PIGU: variants seen among roughly 807,000 people sequenced by gnomAD.
PIGU encodes the protein GPI-anchor transamidase component PIGU.
PIGU carries 24 observed loss-of-function variants against 49.9 expected under a neutral mutation model. The ratio of observed to expected loss-of-function variants is 0.48; its 90% confidence interval spans 0.35 to 0.68. PIGU has a LOEUF of 0.68. Ranked by LOEUF, PIGU falls within the 30% of genes least tolerant of loss-of-function variation. The pLI is 0.01. For missense variants in PIGU, 490 were observed against 532.6 expected (o/e 0.92, Z 0.79); for synonymous variants, 220 against 205.7 (o/e 1.07, Z -0.59).
chr20:34,671,579 T>G (rs1044488564), intron 1 of PIGU, among the ~76,000 whole-genome samples: 3 of 152,030 alleles, frequency 2.0e-5, no homozygotes, highest in East Asian at 3.9e-4. Context: ...TTCTTATTAA[T>G]TTTTTAGAAG....
intron 6 of PIGU, among the ~76,000 whole-genome samples, chr20:34,625,957 A>AATATATAT (rs143479250): frequency 6.9e-5 from 10 of 145,734 alleles, no homozygotes; most frequent in South Asian, 2.1e-4. Context: ...ACATATATAT[A>AATATATAT]ATATATATAT....
chr20:34,561,185 TC>T (rs1982490421), intron 11 of PIGU, among the ~76,000 whole-genome samples: 1 of 151,210 alleles, frequency 6.6e-6, no homozygotes, highest in Admixed American at 6.6e-5. Flanking sequence ...CTGCCTGGAC[TC>T]CCCCTGCCCC....
At chr20:34,583,205 C>T (rs552408147) in intron 9 of PIGU, among the ~76,000 whole-genome samples, 103 of 152,368 alleles carry the variant, frequency 6.8e-4, no homozygotes, top group Non-Finnish European at 1.2e-3. Flanking sequence ...CTCTAAGAAG[C>T]GTCCAGCTAT....
intron 7 of PIGU, among the ~76,000 whole-genome samples, chr20:34,606,610 T>C (rs567070314): frequency 6.6e-6 from 1 of 152,300 alleles, no homozygotes; most frequent in South Asian, 2.1e-4. Flanking sequence ...GGTAACTTTT[T>C]GGGTAAGAAT....
intron 7 of PIGU, among the ~76,000 whole-genome samples, chr20:34,606,735 C>T (rs1464032274): frequency 6.6e-6 from 1 of 152,078 alleles, no homozygotes; most frequent in East Asian, 1.9e-4. Context: ...ACAGAATATG[C>T]CTTTGTAAAG....
At chr20:34,622,395 T>C (rs1411060580) in intron 6 of PIGU, among the ~76,000 whole-genome samples, 1 of 151,946 alleles carries the variant, frequency 6.6e-6, no homozygotes, top group East Asian at 1.9e-4. Flanking sequence ...CGGGCGCATG[T>C]AGTCCCAGCT....
intron 6 of PIGU, among the ~76,000 whole-genome samples, chr20:34,622,808 T>C (rs1388033852): frequency 6.6e-6 from 1 of 152,226 alleles, no homozygotes; most frequent in Non-Finnish European, 1.5e-5. Flanking sequence ...AGGCTTTCTA[T>C]ATAAGCCTTG....
chr20:34,666,109 C>T (rs764709555), intron 1 of PIGU, among the ~76,000 whole-genome samples: 1 of 151,964 alleles, frequency 6.6e-6, no homozygotes, highest in Non-Finnish European at 1.5e-5. Context: ...CTGCTTGAAC[C>T]CAGAATGCGG....
intron 10 of PIGU, chr20:34,579,303 T>C (rs1248762641): frequency 1.3e-5 from 2 of 152,212 alleles, no homozygotes; most frequent in East Asian, 3.9e-4. Flanking sequence ...AACACCACAA[T>C]TGTGCGTCTG....
chr20:34,597,519 A>T (rs1984247636), intron 7 of PIGU, among the ~76,000 whole-genome samples: 1 of 152,208 alleles, frequency 6.6e-6, no homozygotes, highest in Admixed American at 6.5e-5. Context: ...CTGTATTTTG[A>T]GAGGAGTTTG....
chr20:34,640,972 C>T (rs1159847117), intron 4 of PIGU, among the ~76,000 whole-genome samples: 1 of 152,164 alleles, frequency 6.6e-6, no homozygotes, highest in Admixed American at 6.5e-5. Flanking sequence ...CAGCTCAATG[C>T]AACCTCCGCC....
At chr20:34,579,019 C>G (rs1270916862) in intron 10 of PIGU, 2 of 152,130 alleles carry the variant, frequency 1.3e-5, no homozygotes, top group Non-Finnish European at 2.9e-5. Context: ...AAGAAAATCT[C>G]ACCTGAAAAA....
chr20:34,585,269 C>T (rs1729922722), intron 9 of PIGU, among the ~76,000 whole-genome samples, 168 bp downstream of exon 9: 1 of 152,268 alleles, frequency 6.6e-6, no homozygotes, highest in African/African-American at 2.4e-5. Context: ...GACTCTATTG[C>T]CTGCTATGGC....
intron 11 of PIGU, among the ~76,000 whole-genome samples, chr20:34,569,116 A>T (rs1982897430): frequency 6.6e-6 from 1 of 151,580 alleles, no homozygotes; most frequent in South Asian, 2.1e-4. Flanking sequence ...AGGTGGGAGG[A>T]CCTCTTGAGC....
chr20:34,569,824 C>T (rs940279629), intron 11 of PIGU, among the ~76,000 whole-genome samples: 15 of 152,296 alleles, frequency 9.8e-5, no homozygotes, highest in African/African-American at 3.6e-4. Flanking sequence ...ACTGAATATT[C>T]TTCTTGGTGC....
rs59998699 is a variant in PIGU, at chr20:34,650,700, CTTTTTTTT to C, written c.196-5374_196-5367del. Among the ~76,000 whole-genome samples, 24 of 38,788 alleles carry C rather than the reference CTTTTTTTT, an allele frequency of 6.2e-4. No homozygotes were observed. The South Asian group carries it at 8.8e-3, about 14-fold the overall frequency. 25.4% of individuals were successfully genotyped at this position (38,788 alleles called of 152,430 possible). A position where few individuals can be genotyped will look rare whatever the true frequency, so the allele number is the denominator to read the frequency against. On this transcript the variant is annotated intron_variant, in intron 2 of 11. Transcript: ENST00000217446. ...AATTTTTTTCCTTTTCTTTTTTTCT[CTTTTTTTT>C]TTTTTTTTTTTTTTTTTTTTTTTGA...
chr20:34,579,349 G>A (rs1434430201), intron 10 of PIGU: 1 of 152,156 alleles, frequency 6.6e-6, no homozygotes, highest in Non-Finnish European at 1.5e-5. Flanking sequence ...TCCAGCGTCT[G>A]GGACCTACAC....
At chr20:34,608,433 A>G (rs1600624327) in intron 7 of PIGU, among the ~76,000 whole-genome samples, 1 of 152,326 alleles carries the variant, frequency 6.6e-6, no homozygotes, top group East Asian at 1.9e-4. Context: ...TTTGATGCTC[A>G]GAAATTCCCA....
intron 7 of PIGU, among the ~76,000 whole-genome samples, chr20:34,589,649 CTTTTTTTTTTTTTTT>C (rs34119895): frequency 3.7e-5 from 2 of 53,672 alleles, no homozygotes; most frequent in Non-Finnish European, 6.3e-5. Context: ...CTGCACCTGG[CTTTTTTTTTTTTTTT>C]TTTTTTTTTT....
Sources: gnomAD v4.1 joint callset for allele counts (sites outside exome capture counted in the v4.1 genomes callset) on GRCh38, gnomAD v4.1.1 for gene constraint, MANE v1.5 for transcripts, NCBI Gene and HGNC (gene_info 2026-07-23, HGNC 2026-07-21) for gene names.